Variants in TCEA3 observed in about 807,000 individuals in gnomAD.
The protein encoded by TCEA3 is transcription elongation factor A3.
Under a neutral mutation model 44.0 loss-of-function variants are expected in TCEA3, and 36 were observed. That is an observed-to-expected ratio of 0.82 (90% CI 0.63 to 1.08). The LOEUF is 1.08. TCEA3 is among the 50% of genes least tolerant of loss of function. The pLI, the probability that TCEA3 is intolerant of heterozygous loss-of-function variation, is 0.00. For synonymous variants in TCEA3, 162 were observed against 159.7 expected (o/e 1.01, Z -0.11); for missense variants, 392 against 441.2 (o/e 0.89, Z 1.00).
chr1:23,400,786 G>T (rs551364989), intron 5 of TCEA3, among the ~76,000 whole-genome samples: 22 of 152,284 alleles, frequency 1.4e-4, no homozygotes, highest in African/African-American at 3.9e-4. Context: ...AGCGCCCAGA[G>T]AGCTGCTGCA....
intron 3 of TCEA3, 108 bp downstream of exon 3, chr1:23,417,792 CTGAT>C: frequency 3.1e-6 from 3 of 971,516 alleles, no homozygotes; most frequent in Non-Finnish European, 4.7e-6. Flanking sequence ...CCATCTGTCA[CTGAT>C]TAAGTCACTC....
chr1:23,424,593 AG>A lies in TCEA3; in HGVS notation c.40del (p.Leu14TrpfsTer17), dbSNP rs1640165443. Reference sequence around the variant, plus strand: ...GTTCTTCCTGGCCACCATCTTCTCCAGCTTTTTGGCGATCCTCAGCAGCTCC... The same window carrying A: ...GTTCTTCCTGGCCACCATCTTCTCCACTTTTTGGCGATCCTCAGCAGCTCC... ...EEELLRIAKK[L>X]EKMVARKNTE... On this transcript the variant is annotated frameshift_variant, in exon 1 of 11. Coordinates refer to ENST00000450454, the MANE Select transcript of TCEA3 (RefSeq NM_003196.3). LOFTEE classifies it high-confidence loss of function. 6.2e-7 allele frequency: 1 copy of A among 1,608,182 alleles called. No individual in the cohort carries two copies. Among genetic ancestry groups the A allele is most frequent in the Admixed American group, 1.7e-5 (1 of 59,892 alleles).
At position 23,399,489 on chromosome 1, in the gene TCEA3, G is replaced by C. The variant is rs1787644; in HGVS notation, c.444-1534C>G. 8.2e-4 allele frequency among the ~76,000 whole-genome samples: 125 copies of C among 151,952 alleles called. 1 individual carries two copies. Among genetic ancestry groups the C allele is most frequent in the African/African-American group, 2.9e-3 (120 of 41,436 alleles). On this transcript the variant is annotated intron_variant, in intron 5 of 10. Transcript: ENST00000450454. ...CCTATCCCCAAATACAGTCACAATG[G>C]GGTTTGGGATTTCAACATATGAATT...
At chr1:23,412,547 A>G (rs1160389192) in intron 4 of TCEA3, among the ~76,000 whole-genome samples, 1 of 152,114 alleles carries the variant, frequency 6.6e-6, no homozygotes, top group African/African-American at 2.4e-5. Context: ...TACTAAAAAA[A>G]AAATACAAAA....
intron 3 of TCEA3, 119 bp from the exon 4 acceptor site, chr1:23,417,509 C>A (rs1639929250): frequency 7.1e-7 from 1 of 1,411,384 alleles, no homozygotes; most frequent in Admixed American, 2.8e-5. Flanking sequence ...ACACTCCCAA[C>A]ACACACACAA....
In TCEA3 at chr1:23,391,049, G is replaced by C. The variant is rs76732090; in HGVS notation, c.819+2830C>G. 1.1e-4 allele frequency among the ~76,000 whole-genome samples: 17 copies of C among 151,990 alleles called. No homozygotes were observed. In the East Asian group the frequency reaches 3.1e-3, roughly 28 times the overall value. ...GGAAGGGAGTTCTGAGAGAGACACC[G>C]TCCACATGGGTTCCTGATGGGCGCT... is the stretch of plus-strand genomic sequence containing the variant. On this transcript the variant is annotated intron_variant, in intron 8 of 10. Coordinates refer to ENST00000450454, the MANE Select transcript of TCEA3 (RefSeq NM_003196.3).
rs370761056 is a variant in TCEA3 at position 23,393,894 on chromosome 1, G to T, written c.804C>A (p.Ala268=). 4.8e-5 allele frequency: 78 copies of T among 1,613,648 alleles called. No homozygotes were observed. In the African/African-American group the frequency reaches 9.3e-4, roughly 19 times the overall value. The change falls in exon 8 of 11, where the codon GCC becomes GCA. Residue 268 remains alanine (A), a synonymous_variant. Coordinates refer to ENST00000450454, the MANE Select transcript of TCEA3 (RefSeq NM_003196.3). ...CTGCTCTCACCTCTGCCGTCATCTTGGCTATAAGCCCTGCGGAGATGGCCC... is the reference window on the plus strand; with the variant it reads ...CTGCTCTCACCTCTGCCGTCATCTTTGCTATAAGCCCTGCGGAGATGGCCC... ...LSGAISAGLI[A]KMTAEEMASD...
chr1:23,386,702 C>A lies in TCEA3; in HGVS notation c.966+571G>T, dbSNP rs908225341. On this transcript the variant is annotated intron_variant, in intron 9 of 10. Transcript: ENST00000450454. ...CCTCCAGGGTAGCTGGGATTACAGG[C>A]ACGTGCCACCATGCCTGGCTAATTT... 2.8e-5 allele frequency among the ~76,000 whole-genome samples: 4 copies of A among 140,784 alleles called. No homozygotes were observed. The Admixed American group carries it at 3.0e-4, about 10-fold the overall frequency. 92.4% of individuals were successfully genotyped at this position (140,784 alleles called of 152,430 possible).
At position 23,420,944 on chromosome 1, in the gene TCEA3, G is replaced by C. The variant is rs187646476; in HGVS notation, c.70-1805C>G. ...GGGGAGCACCAGGGGACGGTGTCCTGTATGTTCCTATCCTTGGCCCACAGT... is the reference window on the plus strand; with the variant it reads ...GGGGAGCACCAGGGGACGGTGTCCTCTATGTTCCTATCCTTGGCCCACAGT... On this transcript the variant is annotated intron_variant, in intron 1 of 10. Transcript: ENST00000450454. 2.6e-5 allele frequency among the ~76,000 whole-genome samples: 4 copies of C among 152,110 alleles called. No homozygotes were observed. The East Asian group carries it at 5.8e-4, about 22-fold the overall frequency.
intron 5 of TCEA3, chr1:23,404,286 A>T: frequency 1.5e-6 from 1 of 672,912 alleles, no homozygotes; most frequent in East Asian, 2.7e-5. Flanking sequence ...TTCCCAGAGC[A>T]TCGTGCTCAC....
chr1:23,407,353 C>G (rs1639572738), intron 5 of TCEA3, among the ~76,000 whole-genome samples: 3 of 152,134 alleles, frequency 2.0e-5, no homozygotes. Flanking sequence ...TTCCTTCATT[C>G]CTGGCACAGC....
chr1:23,424,450 C>T (rs888457199), intron 1 of TCEA3, 115 bp downstream of exon 1: 3 of 927,768 alleles, frequency 3.2e-6, no homozygotes, highest in African/African-American at 1.7e-5. Flanking sequence ...CCCTCGGGTC[C>T]CCGAGTCCCG....
Position 23,423,065 on chromosome 1 carries a change from G to A in TCEA3, c.69+1500C>T, listed in dbSNP as rs953688493. On this transcript the variant is annotated intron_variant, in intron 1 of 10. Transcript: ENST00000450454. ...AATTTGGCTCAGAATCCCTGGCTGCGCTCTGCCAACCCCAGCTGAGAAAAT... is the reference window on the plus strand; with the variant it reads ...AATTTGGCTCAGAATCCCTGGCTGCACTCTGCCAACCCCAGCTGAGAAAAT... Among the ~76,000 whole-genome samples, 8 of 152,290 alleles carry A rather than the reference G, an allele frequency of 5.3e-5. No individual in the cohort carries two copies. The South Asian group carries it at 1.0e-3, about 20-fold the overall frequency.
Position 23,418,053 on chromosome 1 carries a change from C to A in TCEA3, c.133-44G>T, listed in dbSNP as rs763555933. On this transcript the variant is annotated intron_variant, in intron 2 of 10. Coordinates refer to ENST00000450454, the MANE Select transcript of TCEA3 (RefSeq NM_003196.3). Reference sequence around the variant, plus strand: ...AAGGCATAATCTGGGAATGGATACACAGGAATGGCTGCCATCATTGGCAGA... The same window carrying A: ...AAGGCATAATCTGGGAATGGATACAAAGGAATGGCTGCCATCATTGGCAGA... 9 of 1,585,846 alleles carry A rather than the reference C, an allele frequency of 5.7e-6. No homozygotes were observed. In the African/African-American group the frequency reaches 1.2e-4, roughly 21 times the overall value.
At chr1:23,410,543 C>T (rs1639677895) in intron 4 of TCEA3, among the ~76,000 whole-genome samples, 1 of 152,038 alleles carries the variant, frequency 6.6e-6, no homozygotes, top group South Asian at 2.1e-4. Context: ...TGGCTCACAC[C>T]TGTAATCCCA....
Position 23,424,695 on chromosome 1 carries a change from G to T in TCEA3, c.-62C>A. On this transcript the variant is annotated 5_prime_UTR_variant, in exon 1 of 11. In the 5' UTR this introduces an upstream ATG that the reference lacks. Transcript: ENST00000450454. The stretch of plus-strand genomic sequence containing the variant: ...GGGCAGCAGTAGGGCCTCGGGGGCA[G>T]GAGGCGCGAAGGCGGAGGGCGCGCA... 1 of 1,378,386 alleles carries T rather than the reference G, an allele frequency of 7.3e-7. No homozygotes were observed. The highest frequency in any genetic ancestry group is 1.0e-6 in the Non-Finnish European group (1 of 995,474). The allele number at this position is 1,378,386 out of a possible 1,614,324, so 85.4% of individuals were successfully genotyped here.
intron 9 of TCEA3, among the ~76,000 whole-genome samples, chr1:23,385,604 T>C (rs768919367): frequency 8.5e-5 from 13 of 152,188 alleles, no homozygotes; most frequent in Non-Finnish European, 1.5e-4. Context: ...TCTTGATAAA[T>C]GGTGTGTGCC....
At chr1:23,396,851 C>T (rs1484591890) in intron 7 of TCEA3, among the ~76,000 whole-genome samples, 1 of 151,840 alleles carries the variant, frequency 6.6e-6, no homozygotes, top group East Asian at 1.9e-4. Flanking sequence ...ACTAAAAGTA[C>T]AAAATTAACC....
At chr1:23,423,245 G>A (rs1210908995) in intron 1 of TCEA3, among the ~76,000 whole-genome samples, 2 of 152,194 alleles carry the variant, frequency 1.3e-5, no homozygotes, top group African/African-American at 4.8e-5. Flanking sequence ...CGTAGAAGCA[G>A]GTCTTGTTCG....
Sources: allele counts gnomAD v4.1 joint callset (sites outside exome capture counted in the v4.1 genomes callset), GRCh38; gene constraint gnomAD v4.1.1; transcripts MANE v1.5; gene names NCBI Gene and HGNC (gene_info 2026-07-23, HGNC 2026-07-21).